SPAM1: variants seen among roughly 807,000 people sequenced by gnomAD.
SPAM1 encodes hyaluronidase PH-20.
A neutral mutation model predicts 29.6 loss-of-function variants in SPAM1; 22 were observed. The observed-to-expected ratio is 0.74, with a 90% CI of 0.53 to 1.06. The LOEUF is 1.06. SPAM1 is among the 50% of genes least tolerant of loss of function. SPAM1 has a pLI of 0.00. For missense variants in SPAM1, 534 were observed against 604.0 expected, an observed-to-expected ratio of 0.88 and a Z score of 1.21; for synonymous variants, 194 against 204.6, an observed-to-expected ratio of 0.95 and a Z score of 0.44.
chr7:123,928,936 A>G (rs751016723), intron 1 of SPAM1, among the ~76,000 whole-genome samples: 6 of 152,128 alleles, frequency 3.9e-5, no homozygotes, highest in Non-Finnish European at 8.8e-5. Flanking sequence ...CTAAATTTGC[A>G]AAGCAAGGAC....
At chr7:123,953,032 G>A (rs73226198) in intron 2 of SPAM1, among the ~76,000 whole-genome samples, 3,649 of 152,154 alleles carry the variant, frequency 0.024, 49 homozygotes, top group Middle Eastern at 0.078. Flanking sequence ...CAGAATGAGA[G>A]GATCAACTTG....
At chr7:123,931,628 A>G (rs182584613) in intron 1 of SPAM1, among the ~76,000 whole-genome samples, 3 of 152,330 alleles carry the variant, frequency 2.0e-5, no homozygotes, top group Non-Finnish European at 2.9e-5. Flanking sequence ...TTGGGACTTC[A>G]TTCTGAAGGC....
chr7:123,954,564 A>T, intron 3 of SPAM1, 40 bp downstream of exon 3: 1 of 1,308,198 alleles, frequency 7.6e-7, no homozygotes, highest in Non-Finnish European at 1.1e-6. Context: ...AATGAAATTC[A>T]CAAAAGATGT....
downstream of SPAM1, among the ~76,000 whole-genome samples, chr7:123,964,290 T>G (rs1261243185): frequency 6.6e-6 from 1 of 151,850 alleles, no homozygotes; most frequent in Non-Finnish European, 1.5e-5. Flanking sequence ...TTTATTTGGT[T>G]TCTAATCATT....
rs11975640 is a variant in SPAM1 at position 123,970,294 on chromosome 7, C to T, written c.*46C>T. ...GTTTCAGGCCTCTTCCCTTGGCTTA[C>T]AGGTGACTATCTTCTCCTTGTGTCT... On this transcript the variant is annotated splice_region_variant and 3_prime_UTR_variant, in exon 6 of 7. Coordinates refer to the SPAM1 transcript ENST00000340011. 0.3 allele frequency: 459,649 copies of T among 1,538,966 alleles called. 73,674 individuals carry two copies. The highest frequency in any genetic ancestry group is 0.53 in the African/African-American group (38,623 of 72,574).
chr7:123,959,013 A>T (rs188379179), intron 4 of SPAM1, among the ~76,000 whole-genome samples: 18 of 152,084 alleles, frequency 1.2e-4, no homozygotes, highest in African/African-American at 4.3e-4. Flanking sequence ...TATTTTCCAG[A>T]TGGTAAAGCT....
chr7:123,961,379 A>AT (rs1333596389), downstream of SPAM1, among the ~76,000 whole-genome samples: 1 of 151,552 alleles, frequency 6.6e-6, no homozygotes, highest in Non-Finnish European at 1.5e-5. Context: ...TGTGATTTCA[A>AT]TTTTTTTAGC....
intron 5 of SPAM1, among the ~76,000 whole-genome samples, chr7:123,965,295 T>C (rs1479590282): frequency 1.3e-5 from 2 of 152,124 alleles, no homozygotes; most frequent in East Asian, 3.9e-4. Flanking sequence ...GAATAGCTTC[T>C]GACCATGGGT....
At chr7:123,935,843 A>G (rs576262789) in intron 1 of SPAM1, among the ~76,000 whole-genome samples, 2 of 152,194 alleles carry the variant, frequency 1.3e-5, no homozygotes, top group Non-Finnish European at 2.9e-5. Flanking sequence ...TCATGCAATG[A>G]CACTCTGGTA....
At chr7:123,937,411 A>T (rs4731131) in intron 1 of SPAM1, among the ~76,000 whole-genome samples, 4 of 151,750 alleles carry the variant, frequency 2.6e-5, no homozygotes, top group Non-Finnish European at 5.9e-5. Flanking sequence ...ACCATCCTGG[A>T]TAACATGGTG....
intron 1 of SPAM1, among the ~76,000 whole-genome samples, chr7:123,936,766 A>T (rs1808254178): frequency 6.6e-6 from 1 of 152,174 alleles, no homozygotes; most frequent in Middle Eastern, 3.2e-3. Flanking sequence ...GGAGGGGCTG[A>T]CTGAATTCTG....
At chr7:123,965,619 G>A (rs893150621) in intron 5 of SPAM1, among the ~76,000 whole-genome samples, 6 of 152,092 alleles carry the variant, frequency 3.9e-5, no homozygotes, top group African/African-American at 7.2e-5. Flanking sequence ...CTGCAGATGC[G>A]TGGTCTTATT....
chr7:123,963,203 C>G (rs1026596508), downstream of SPAM1, among the ~76,000 whole-genome samples: 17 of 151,844 alleles, frequency 1.1e-4, no homozygotes, highest in Admixed American at 7.2e-4. Context: ...AATTAATGAT[C>G]TCACTAATAG....
chr7:123,932,258 C>G (rs932870166), intron 1 of SPAM1: 2 of 152,254 alleles, frequency 1.3e-5, no homozygotes, highest in African/African-American at 4.8e-5. Flanking sequence ...AGACCCTCAC[C>G]TATTTTGTTG....
chr7:123,927,039 AAAT>A (rs1191641037), intron 1 of SPAM1, among the ~76,000 whole-genome samples: 1 of 152,164 alleles, frequency 6.6e-6, no homozygotes, highest in Non-Finnish European at 1.5e-5. Flanking sequence ...TATGGCAAGG[AAAT>A]AGATCTTGGG....
At chr7:123,945,903 A>G (rs1342793818) in intron 1 of SPAM1, among the ~76,000 whole-genome samples, 3 of 152,154 alleles carry the variant, frequency 2.0e-5, no homozygotes, top group African/African-American at 7.2e-5. Flanking sequence ...TGACCAAGTC[A>G]GGTAGAGTTG....
At chr7:123,944,039 G>C (rs1808504023) in intron 1 of SPAM1, among the ~76,000 whole-genome samples, 1 of 152,094 alleles carries the variant, frequency 6.6e-6, no homozygotes, top group African/African-American at 2.4e-5. Context: ...TCTAACACAG[G>C]AGTCCATATT....
intron 3 of SPAM1, 118 bp from the exon 4 acceptor site, chr7:123,954,879 T>C: frequency 1.5e-6 from 1 of 688,662 alleles, no homozygotes; most frequent in Non-Finnish European, 2.6e-6. Context: ...ATAGAAATAG[T>C]GGGGAAATAT....
chr7:123,967,077 C>T (rs1792434519), intron 5 of SPAM1, among the ~76,000 whole-genome samples: 1 of 151,904 alleles, frequency 6.6e-6, no homozygotes, highest in South Asian at 2.1e-4. Context: ...AAGTTTGCAT[C>T]ACTTTAGAAT....
Sources: allele counts gnomAD v4.1 joint callset (sites outside exome capture counted in the v4.1 genomes callset), GRCh38; gene constraint gnomAD v4.1.1; transcripts MANE v1.5; gene names NCBI Gene and HGNC (gene_info 2026-07-23, HGNC 2026-07-21).